VAT1: variants seen among roughly 807,000 people sequenced by gnomAD.
VAT1 encodes vesicle amine transport 1.
A neutral mutation model predicts 33.3 loss-of-function variants in VAT1; 24 were observed. That is an observed-to-expected ratio of 0.72 (90% confidence interval 0.52 to 1.01). The LOEUF (loss-of-function observed/expected upper bound fraction) is 1.01, where lower values mean the gene tolerates loss of function less well. Among genes scored for constraint, VAT1 ranks in the 50% least tolerant of loss-of-function variants. The probability of loss-of-function intolerance (pLI) is 0.00; values close to 1 mark genes in which losing one functional copy is unlikely to be tolerated. For missense variants in VAT1, 436 were observed against 533.7 expected, an observed-to-expected ratio of 0.82 and a Z score of 1.80; for synonymous variants, 212 against 225.0, an observed-to-expected ratio of 0.94 and a Z score of 0.52.
chr17:43,020,719 T>C (rs2050559186), intron 1 of VAT1, among the ~76,000 whole-genome samples: 1 of 151,172 alleles, frequency 6.6e-6, no homozygotes, highest in Admixed American at 6.6e-5. Flanking sequence ...TCTACTAAAA[T>C]ACAAAATTAG....
At position 43,021,848 on chromosome 17, in the gene VAT1, G is replaced by A. The variant is rs1046483000; in HGVS notation, c.387+88C>T. 2.0e-6 allele frequency: 3 copies of A among 1,531,648 alleles called. No individual in the cohort carries two copies. The Admixed American group carries it at 5.9e-5, about 30-fold the overall frequency. 94.9% of individuals were successfully genotyped at this position (1,531,648 alleles called of 1,614,324 possible). A position where few individuals can be genotyped will look rare whatever the true frequency, so the allele number is the denominator to read the frequency against. On this transcript the variant is annotated intron_variant, in intron 1 of 5. Transcript: ENST00000355653. ...ACCCAGGTCCGCGCCAGTTTCTCCC[G>A]CCCTGCCACACCCCCGGCGCTCGCC...
rs2050537709 is a variant in VAT1 at position 43,018,223 on chromosome 17, A to G, written c.596-17T>C. The G allele has an allele frequency of 6.2e-7, 1 of 1,600,144 alleles. No homozygotes were observed. The highest frequency in any genetic ancestry group is 1.1e-5 in the South Asian group (1 of 90,422). ...CCACACCCCCTGCAGCAAGACACCC[A>G]TAAGCAGGGGATATGGAGTTGCCCT... On this transcript the variant is annotated splice_polypyrimidine_tract_variant and intron_variant, in intron 2 of 5. Transcript: ENST00000355653.
chr17:43,016,572 T>C, intron 4 of VAT1, 24 bp from the exon 5 acceptor site: 1 of 1,610,160 alleles, frequency 6.2e-7, no homozygotes, highest in African/African-American at 1.3e-5. Context: ...TGACATAGCC[T>C]GTGAACCCCC....
chr17:43,016,220 C>G lies in VAT1; in HGVS notation c.1099-76G>C, dbSNP rs370825005. 5.2e-5 allele frequency: 84 copies of G among 1,609,788 alleles called. 1 individual carries two copies. In the East Asian group the frequency reaches 6.2e-4, roughly 12 times the overall value. The stretch of plus-strand genomic sequence containing the variant: ...ACAAGAGCCAGTGTGATGCAGGCAG[C>G]CCTCCTCTTCCCCAGGAATCTGCCC... On this transcript the variant is annotated intron_variant, in intron 5 of 5. Coordinates refer to ENST00000355653, the MANE Select transcript of VAT1 (RefSeq NM_006373.4).
intron 1 of VAT1, among the ~76,000 whole-genome samples, chr17:43,021,428 C>G: frequency 6.6e-6 from 1 of 152,322 alleles, no homozygotes; most frequent in Non-Finnish European, 1.5e-5. Context: ...CACACCCCCA[C>G]AGACCACGGG....
In VAT1 at chr17:43,015,371, G is replaced by A. The variant is rs981331362; in HGVS notation, c.*690C>T. On this transcript the variant is annotated 3_prime_UTR_variant, in exon 6 of 6. Transcript: ENST00000355653. ...CACAGGTTTTCGTTGCTAAGGCACT[G>A]AGAACAAATCCAGAGAACTCAGTGA... 6.5e-6 allele frequency: 1 copy of A among 153,046 alleles called. No individual in the cohort carries two copies. 9.5% of individuals were successfully genotyped at this position (153,046 alleles called of 1,614,324 possible).
Position 43,022,366 on chromosome 17 carries a change from A to G in VAT1, c.-44T>C. On this transcript the variant is annotated 5_prime_UTR_variant, in exon 1 of 6. Transcript: ENST00000355653. ...GAGCGCACAGCTGGATGGAGAGTGC[A>G]CAGCTGGGGAAGGCGGAACGCGTCG... 6.7e-7 allele frequency: 1 copy of G among 1,483,182 alleles called. No homozygotes were observed. Among genetic ancestry groups the G allele is most frequent in the Non-Finnish European group, 8.9e-7 (1 of 1,118,336 alleles). 91.9% of individuals were successfully genotyped at this position (1,483,182 alleles called of 1,614,324 possible).
chr17:43,018,232 G>T (rs780526506), intron 2 of VAT1, 26 bp from the exon 3 acceptor site: 1 of 1,593,952 alleles, frequency 6.3e-7, no homozygotes, highest in South Asian at 1.1e-5. Flanking sequence ...CATAAGCAGG[G>T]GATATGGAGT....
intron 4 of VAT1, 109 bp downstream of exon 4, chr17:43,017,732 C>G: frequency 2.1e-6 from 2 of 945,898 alleles, no homozygotes; most frequent in Non-Finnish European, 3.3e-6. Context: ...TACAGAGCAC[C>G]TGAGTCCCTA....
chr17:43,016,196 C>G, intron 5 of VAT1, 52 bp from the exon 6 acceptor site: 2 of 1,613,286 alleles, frequency 1.2e-6, no homozygotes, highest in Non-Finnish European at 1.7e-6. Flanking sequence ...CCTCATCCAA[C>G]AAGAGCCAGT....
intron 1 of VAT1, chr17:43,020,031 C>T (rs999528392): frequency 8.7e-6 from 8 of 916,270 alleles, no homozygotes; most frequent in Non-Finnish European, 1.0e-5. Flanking sequence ...GCCCTCCACC[C>T]AGGGACTCAG....
Position 43,018,615 on chromosome 17 carries a change from C to G in VAT1, c.572G>C (p.Ser191Thr). 1 of 1,613,874 alleles carries G rather than the reference C, an allele frequency of 6.2e-7. No individual in the cohort carries two copies. The highest frequency in any genetic ancestry group is 8.5e-7 in the Non-Finnish European group (1 of 1,180,026). ...FDFGNLQPGH[S>T]VLVHMAAGGV... Reference sequence around the variant, plus strand: ...ACCTGCAGCCATGTGTACCAAGACGCTGTGGCCAGGCTGTAGGTTGCCGAA... The same window carrying G: ...ACCTGCAGCCATGTGTACCAAGACGGTGTGGCCAGGCTGTAGGTTGCCGAA... The change falls in exon 2 of 6, where the codon AGC (serine) becomes ACC (threonine). Residue 191 changes from serine to threonine, a missense_variant. Transcript: ENST00000355653.
At chr17:43,017,404 G>C (rs753352702) in intron 4 of VAT1, among the ~76,000 whole-genome samples, 1 of 151,290 alleles carries the variant, frequency 6.6e-6, no homozygotes, top group Admixed American at 6.6e-5. Flanking sequence ...CCAACATGGT[G>C]AAACACCGCC....
intron 1 of VAT1, chr17:43,020,319 A>G: frequency 4.1e-6 from 4 of 985,362 alleles, no homozygotes; most frequent in Non-Finnish European, 3.6e-6. Context: ...CGGAAAGTGT[A>G]TGGAGGGGAG....
chr17:43,020,376 C>T (rs576793743), intron 1 of VAT1: 3 of 782,698 alleles, frequency 3.8e-6, no homozygotes, highest in Non-Finnish European at 3.1e-6. Context: ...AACTACCTCC[C>T]GAAAATATTC....
At chr17:43,016,580 C>T (rs762553495) in intron 4 of VAT1, 32 bp from the exon 5 acceptor site, 1 of 1,606,598 alleles carries the variant, frequency 6.2e-7, no homozygotes, top group African/African-American at 1.3e-5. Context: ...CCTGTGAACC[C>T]CCCCAGGCAC....
rs1437957921 is a variant in VAT1 at position 43,015,426 on chromosome 17, T to TTG, written c.*633_*634dup. ...TGGGGGCTCTGTATCCTTCCCAGAG[T>TTG]TGTGACCTAGGGGAGTAGGTCTGAT... On this transcript the variant is annotated 3_prime_UTR_variant, in exon 6 of 6. Coordinates refer to ENST00000355653, the MANE Select transcript of VAT1 (RefSeq NM_006373.4). The TTG allele has an allele frequency of 1.3e-5, 2 of 152,858 alleles. No homozygotes were observed. Among genetic ancestry groups the TTG allele is most frequent in the African/African-American group, 4.9e-5 (2 of 41,196 alleles). The allele number at this position is 152,858 out of a possible 1,614,324, so 9.5% of individuals were successfully genotyped here.
intron 1 of VAT1, 116 bp from the exon 2 acceptor site, chr17:43,018,915 C>T (rs1407299459): frequency 1.1e-6 from 1 of 913,558 alleles, no homozygotes; most frequent in Non-Finnish European, 1.6e-6. Context: ...GGAGAAGCAG[C>T]AATAGTCATG....
chr17:43,019,709 A>G (rs2050550885), intron 1 of VAT1, among the ~76,000 whole-genome samples: 1 of 152,142 alleles, frequency 6.6e-6, no homozygotes, highest in African/African-American at 2.4e-5. Context: ...AAGTGGGGTC[A>G]AGGGAAGGGC....
Sources: gnomAD v4.1 joint callset for allele counts (sites outside exome capture counted in the v4.1 genomes callset) on GRCh38, gnomAD v4.1.1 for gene constraint, MANE v1.5 for transcripts, NCBI Gene and HGNC (gene_info 2026-07-23, HGNC 2026-07-21) for gene names.